NEB: variants seen among roughly 807,000 people sequenced by gnomAD.
The protein encoded by NEB is nebulin, also known as nemaline myopathy type 2.
A neutral mutation model predicts 952.2 loss-of-function variants in NEB; 512 were observed. The observed-to-expected ratio is 0.54, with a 90% CI of 0.50 to 0.58. The LOEUF (loss-of-function observed/expected upper bound fraction) is 0.58. Ranked by LOEUF, NEB falls within the 20% of genes least tolerant of loss-of-function variation. The pLI is 0.00. For missense variants in NEB, 8,428 were observed against 9,231.1 expected, an observed-to-expected ratio of 0.91 and a Z score of 3.56; for synonymous variants, 2,900 against 3,149.8, an observed-to-expected ratio of 0.92 and a Z score of 2.66.
chr2:151,723,750 GTTTTTTTTTTTTT>G, intron 8 of NEB, among the ~76,000 whole-genome samples: 1 of 51,380 alleles, frequency 1.9e-5, no homozygotes, highest in Non-Finnish European at 3.7e-5. Context: ...TGCCTTCTTT[GTTTTTTTTTTTTT>G]TTTTTTTTTT....
At chr2:151,687,239 C>T (rs1418987437) in intron 27 of NEB, among the ~76,000 whole-genome samples, 180 bp downstream of exon 27, 1 of 152,060 alleles carries the variant, frequency 6.6e-6, no homozygotes, top group Non-Finnish European at 1.5e-5. Flanking sequence ...GTAATTTCTC[C>T]CCTCAAATGT....
intron 145 of NEB, among the ~76,000 whole-genome samples, chr2:151,530,369 T>G (rs1238947142): frequency 6.6e-6 from 1 of 152,174 alleles, no homozygotes; most frequent in Admixed American, 6.5e-5. Context: ...TTTGCTCTTC[T>G]TAAATTTCAG....
At position 151,643,370 on chromosome 2, in the gene NEB, C is replaced by A. The variant is rs768998179; in HGVS notation, c.7957-17G>T. The stretch of plus-strand genomic sequence containing the variant: ...GTACAAATTCTGAAAGTGCAAGTGA[C>A]AAATTTGTCATAATTAAATCATTTA... On this transcript the variant is annotated splice_polypyrimidine_tract_variant and intron_variant, in intron 57 of 181. Coordinates refer to ENST00000397345, the MANE Select transcript of NEB (RefSeq NM_001164508.2). The A allele has an allele frequency of 1.9e-6, 3 of 1,575,092 alleles. No individual in the cohort carries two copies. Among genetic ancestry groups the A allele is most frequent in the African/African-American group, 1.4e-5 (1 of 73,976 alleles).
intron 10 of NEB, among the ~76,000 whole-genome samples, chr2:151,711,656 C>T (rs926125917): frequency 6.6e-6 from 1 of 152,110 alleles, no homozygotes; most frequent in African/African-American, 2.4e-5. Context: ...TTGTCTTGAC[C>T]AAATATGATT....
rs376911383 is a variant in NEB, at chr2:151,697,232, G to A, written c.1386C>T (p.Tyr462=). The change falls in exon 16 of 182, where the codon TAC becomes TAT. Residue 462 remains tyrosine, a synonymous_variant. Coordinates refer to ENST00000397345, the MANE Select transcript of NEB (RefSeq NM_001164508.2). The part of the protein sequence containing the change: ...QNSDKNYKAE[Y]EEDRGKGFFP... ...AGAAGCCTTTGCCTCTGTCTTCTTCGTATTCTGCTTTGTAGTTTTTCTATG... is the reference window on the plus strand; with the variant it reads ...AGAAGCCTTTGCCTCTGTCTTCTTCATATTCTGCTTTGTAGTTTTTCTATG... 44 of 1,613,618 alleles carry A rather than the reference G, an allele frequency of 2.7e-5. No homozygotes were observed. Among genetic ancestry groups the A allele is most frequent in the Admixed American group, 6.7e-5 (4 of 60,006 alleles).
At chr2:151,531,145 A>C (rs760627947) in intron 144 of NEB, 44 bp from the exon 145 acceptor site, 8 of 1,234,802 alleles carry the variant, frequency 6.5e-6, no homozygotes, top group Non-Finnish European at 9.4e-6. Context: ...ATGCTTCTCA[A>C]TGTATAATAT....
intron 151 of NEB, 48 bp downstream of exon 151, chr2:151,525,115 T>A (rs768772584): frequency 7.7e-7 from 1 of 1,298,894 alleles, no homozygotes; most frequent in East Asian, 2.3e-5. Context: ...CAATCTGGGT[T>A]CCACTGCTTC....
chr2:151,491,049 T>C (rs2056151407), intron 179 of NEB, among the ~76,000 whole-genome samples: 1 of 149,120 alleles, frequency 6.7e-6, no homozygotes, highest in Non-Finnish European at 1.5e-5. Context: ...TTTTTTTTTT[T>C]TTTGAGATGG....
At position 151,540,703 on chromosome 2, in the gene NEB, G is replaced by T; in HGVS notation, c.20781C>A (p.Val6927=). The change falls in exon 137 of 182, where the codon GTC becomes GTA. Residue 6927 remains valine, a synonymous_variant. Coordinates refer to ENST00000397345, the MANE Select transcript of NEB (RefSeq NM_001164508.2). ...TGCTGAATTCCCATCTTACCTCACT[G>T]ACCATGTCCTTCACGTCTTTAGCAT... ...LKHAKDVKDM[V]SEKKYKIQYE... 6.2e-7 allele frequency: 1 copy of T among 1,613,068 alleles called. No homozygotes were observed. The highest frequency in any genetic ancestry group is 1.1e-5 in the South Asian group (1 of 91,002).
rs1490357943 is a variant in NEB at position 151,702,460 on chromosome 2, G to A, written c.1152+4421C>T. On this transcript the variant is annotated intron_variant, in intron 13 of 181. Transcript: ENST00000397345. The stretch of plus-strand genomic sequence containing the variant: ...CTCGTTGATCTGTCTAATGTTGACA[G>A]TGGGGTGTTAAAGTCTCCCATTATT... Among the ~76,000 whole-genome samples the A allele has an allele frequency of 3.3e-5, 5 of 152,286 alleles. No individual in the cohort carries two copies. The East Asian group carries it at 9.6e-4, about 29-fold the overall frequency.
chr2:151,502,973 G>A, intron 166 of NEB, 88 bp from the exon 167 acceptor site: 1 of 753,882 alleles, frequency 1.3e-6, no homozygotes, highest in Non-Finnish European at 2.2e-6. Flanking sequence ...GGTTATATGT[G>A]AGGAGGCAGT....
intron 36 of NEB, among the ~76,000 whole-genome samples, chr2:151,673,732 CTTTTT>C (rs10716811): frequency 1.1e-5 from 1 of 92,842 alleles, no homozygotes; most frequent in Non-Finnish European, 2.4e-5. Context: ...TTTTCTTTTT[CTTTTT>C]TTTTTTTTTT....
intron 114 of NEB, among the ~76,000 whole-genome samples, chr2:151,566,656 G>A (rs944941972): frequency 1.8e-4 from 28 of 152,186 alleles, no homozygotes; most frequent in Admixed American, 1.8e-3. Flanking sequence ...CTTTACCAAA[G>A]CTCTGCATGA....
At chr2:151,660,741 C>G (rs2099137497) in intron 46 of NEB, among the ~76,000 whole-genome samples, 1 of 152,164 alleles carries the variant, frequency 6.6e-6, no homozygotes, top group African/African-American at 2.4e-5. Context: ...CGCCAACAAA[C>G]AGCTGTGGTT....
chr2:151,571,371 A>G (rs1474611217), intron 107 of NEB, among the ~76,000 whole-genome samples: 1 of 152,218 alleles, frequency 6.6e-6, no homozygotes, highest in Non-Finnish European at 1.5e-5. Flanking sequence ...TCTCGTTCAT[A>G]AAAAGGGTTT....
rs766256147 is a variant in NEB at position 151,496,963 on chromosome 2, T to C, written c.24371A>G (p.His8124Arg). Residue 8124 changes from histidine to arginine, a missense_variant, in exon 172 of 182, where the codon CAC becomes CGC. Coordinates refer to ENST00000397345, the MANE Select transcript of NEB (RefSeq NM_001164508.2). ...TACCGAGCTAATATTTTCTTGATTGTGTTTGACTCTCTCCATCTCAGGAGT... is the reference window on the plus strand; with the variant it reads ...TACCGAGCTAATATTTTCTTGATTGCGTTTGACTCTCTCCATCTCAGGAGT... Reference protein sequence around the residue: ...PVTPEMERVKHNQENISSVLY... With the variant: ...PVTPEMERVKRNQENISSVLY... 7.6e-6 allele frequency: 12 copies of C among 1,578,864 alleles called. No individual in the cohort carries two copies. The African/African-American group carries it at 1.3e-4, about 18-fold the overall frequency.
At chr2:151,530,784 CCAGGTGT>C in intron 145 of NEB, 1 of 415,068 alleles carries the variant, frequency 2.4e-6, no homozygotes, top group Non-Finnish European at 4.3e-6. Flanking sequence ...TGACTGAGCC[CCAGGTGT>C]CTGCCAGCAA....
chr2:151,685,620 C>A (rs555299523), intron 27 of NEB, among the ~76,000 whole-genome samples: 5 of 152,292 alleles, frequency 3.3e-5, no homozygotes, highest in African/African-American at 1.2e-4. Flanking sequence ...ATTAAAATAA[C>A]GTTGGCCCTT....
intron 56 of NEB, 133 bp downstream of exon 56, chr2:151,644,334 CA>C (rs1313850288): frequency 5.7e-6 from 6 of 1,061,106 alleles, no homozygotes; most frequent in Non-Finnish European, 1.4e-6. Flanking sequence ...ATCCTCATCC[CA>C]CACTGCATGG....
Sources: allele counts gnomAD v4.1 joint callset (sites outside exome capture counted in the v4.1 genomes callset), GRCh38; gene constraint gnomAD v4.1.1; transcripts MANE v1.5; gene names NCBI Gene and HGNC (gene_info 2026-07-23, HGNC 2026-07-21).